Variants in MAGI2 observed in about 807,000 individuals in gnomAD.
MAGI2 encodes membrane associated guanylate kinase, WW and PDZ domain containing 2.
MAGI2 carries 35 observed loss-of-function variants against 133.3 expected under a neutral mutation model. The ratio of observed to expected loss-of-function variants is 0.26; its 90% CI spans 0.20 to 0.35. The LOEUF (loss-of-function observed/expected upper bound fraction) is 0.35. Among genes scored for constraint, MAGI2 ranks in the 10% least tolerant of loss-of-function variants. The pLI, the probability that MAGI2 is intolerant of heterozygous loss-of-function variation, is 1.00. For missense variants in MAGI2, 1,636 were observed against 1,863.4 expected (o/e 0.88, Z 2.25); for synonymous variants, 729 against 710.6 (o/e 1.03, Z -0.41).
At chr7:78,599,406 C>G (rs1196129932) in intron 3 of MAGI2, among the ~76,000 whole-genome samples, 1 of 152,116 alleles carries the variant, frequency 6.6e-6, no homozygotes, top group African/African-American at 2.4e-5. Flanking sequence ...TGTTTACTTT[C>G]CAGAGCCTCC....
intron 1 of MAGI2, among the ~76,000 whole-genome samples, chr7:79,360,472 C>T (rs545345752): frequency 8.5e-5 from 13 of 152,082 alleles, no homozygotes; most frequent in South Asian, 6.2e-4. Flanking sequence ...AACATAGGTA[C>T]GTACACTATA....
intron 15 of MAGI2, among the ~76,000 whole-genome samples, chr7:78,161,667 TAAA>T (rs71515391): frequency 5.8e-5 from 4 of 68,928 alleles, no homozygotes; most frequent in Non-Finnish European, 7.9e-5. Context: ...CATCGATACC[TAAA>T]AAAAAAAAAA....
At chr7:79,037,592 T>TA (rs767257427) in intron 1 of MAGI2, among the ~76,000 whole-genome samples, 28 of 152,120 alleles carry the variant, frequency 1.8e-4, no homozygotes, top group South Asian at 1.5e-3. Context: ...ATTGTTTTAT[T>TA]AAAAAAAATC....
chr7:78,582,878 C>T (rs1253520454), intron 3 of MAGI2, among the ~76,000 whole-genome samples: 1 of 152,086 alleles, frequency 6.6e-6, no homozygotes, highest in African/African-American at 2.4e-5. Context: ...CAAATATAGC[C>T]CTGCCATTAA....
intron 1 of MAGI2, among the ~76,000 whole-genome samples, chr7:79,367,875 A>ATATATATATATATGTGTG (rs1342246318): frequency 8.2e-6 from 1 of 122,084 alleles, no homozygotes; most frequent in African/African-American, 3.5e-5. Flanking sequence ...ATATATATAT[A>ATATATATATATATGTGTG]TGTCATTGAC....
intron 2 of MAGI2, among the ~76,000 whole-genome samples, chr7:78,985,971 T>G (rs904026411): frequency 2.0e-5 from 3 of 152,058 alleles, no homozygotes; most frequent in African/African-American, 7.2e-5. Context: ...TGCAACCCAA[T>G]CAATCTTTAA....
intron 1 of MAGI2, among the ~76,000 whole-genome samples, chr7:79,395,372 A>G (rs1309169560): frequency 1.3e-5 from 2 of 152,210 alleles, no homozygotes; most frequent in Non-Finnish European, 2.9e-5. Flanking sequence ...AAACTGCAGA[A>G]TGTTGGTTTT....
intron 1 of MAGI2, among the ~76,000 whole-genome samples, chr7:79,033,670 C>T (rs10225940): frequency 0.11 from 16,495 of 152,106 alleles, 1,175 homozygotes; most frequent in African/African-American, 0.21. Context: ...GTTCAGGATA[C>T]ATAGTTGGTT....
At chr7:78,189,389 C>T (rs1584323422) in intron 12 of MAGI2, among the ~76,000 whole-genome samples, 1 of 152,142 alleles carries the variant, frequency 6.6e-6, no homozygotes. Context: ...TGATACTCAT[C>T]GCTTATTATT....
intron 3 of MAGI2, among the ~76,000 whole-genome samples, chr7:78,620,016 G>A (rs1198366440): frequency 6.6e-6 from 1 of 151,842 alleles, no homozygotes; most frequent in Non-Finnish European, 1.5e-5. Flanking sequence ...TTAACTTTAA[G>A]TGCCAAGAAT....
At chr7:79,036,019 GCACT>G (rs1811095621) in intron 1 of MAGI2, among the ~76,000 whole-genome samples, 1 of 152,192 alleles carries the variant, frequency 6.6e-6, no homozygotes, top group African/African-American at 2.4e-5. Context: ...TATGCGCAAA[GCACT>G]CACAGGAAGA....
At chr7:79,078,375 T>G (rs1041607452) in intron 1 of MAGI2, among the ~76,000 whole-genome samples, 1 of 151,958 alleles carries the variant, frequency 6.6e-6, no homozygotes, top group African/African-American at 2.4e-5. Flanking sequence ...ATCAAATAAA[T>G]CCCAGCTAGC....
chr7:78,902,645 A>G (rs1797693412), intron 2 of MAGI2: 1 of 152,228 alleles, frequency 6.6e-6, no homozygotes, highest in Admixed American at 6.5e-5. Context: ...TTTCACATAC[A>G]GAAAATCAAT....
At chr7:79,396,909 G>C (rs2129157659) in intron 1 of MAGI2, among the ~76,000 whole-genome samples, 1 of 152,108 alleles carries the variant, frequency 6.6e-6, no homozygotes, top group South Asian at 2.1e-4. Context: ...TTGACGGTTA[G>C]TAGCTTGAAA....
chr7:78,962,161 T>C lies in MAGI2; in HGVS notation c.418+44929A>G, dbSNP rs183388287. Among the ~76,000 whole-genome samples the C allele has an allele frequency of 1.6e-3, 239 of 152,230 alleles. 1 individual carries two copies. Among genetic ancestry groups the C allele is most frequent in the African/African-American group, 5.4e-3 (226 of 41,574 alleles). Reference sequence around the variant, plus strand: ...ATGATCTTCCTCATTCCACTCCTAGTTTTCTATCTGGAAACAAATCTTTGA... The same window carrying C: ...ATGATCTTCCTCATTCCACTCCTAGCTTTCTATCTGGAAACAAATCTTTGA... On this transcript the variant is annotated intron_variant, in intron 2 of 21. Transcript: ENST00000354212.
intron 1 of MAGI2, among the ~76,000 whole-genome samples, chr7:79,378,928 A>G (rs112408643): frequency 0.027 from 725 of 26,736 alleles, 7 homozygotes; most frequent in African/African-American, 0.11. Flanking sequence ...GTGTGTGTGT[A>G]TATATATATA....
intron 2 of MAGI2, among the ~76,000 whole-genome samples, chr7:78,890,302 A>G (rs1796634778): frequency 6.6e-6 from 1 of 151,998 alleles, no homozygotes; most frequent in African/African-American, 2.4e-5. Flanking sequence ...CCCACTGTCA[A>G]CATTGGACAG....
At chr7:78,284,669 T>C (rs1473234300) in intron 9 of MAGI2, among the ~76,000 whole-genome samples, 1 of 152,070 alleles carries the variant, frequency 6.6e-6, no homozygotes, top group Non-Finnish European at 1.5e-5. Context: ...GCTCAGGACA[T>C]GAATTCTAAC....
intron 1 of MAGI2, among the ~76,000 whole-genome samples, chr7:79,158,137 T>G (rs1823999570): frequency 6.6e-6 from 1 of 152,076 alleles, no homozygotes; most frequent in African/African-American, 2.4e-5. Flanking sequence ...AATACAAATT[T>G]AGGGCTATTT....
Sources: gnomAD v4.1 joint callset for allele counts (sites outside exome capture counted in the v4.1 genomes callset) on GRCh38, gnomAD v4.1.1 for gene constraint, MANE v1.5 for transcripts, NCBI Gene and HGNC (gene_info 2026-07-23, HGNC 2026-07-21) for gene names.